CNTN3: variants seen among roughly 807,000 people sequenced by gnomAD.
The protein encoded by CNTN3 is contactin-3.
CNTN3 carries 60 observed loss-of-function variants against 119.1 expected under a neutral mutation model. The ratio of observed to expected loss-of-function variants is 0.50; its 90% CI spans 0.41 to 0.62. The LOEUF (loss-of-function observed/expected upper bound fraction) is 0.62, where lower values mean the gene tolerates loss of function less well. CNTN3 is among the 20% of genes least tolerant of loss of function. The pLI is 0.00. For missense variants in CNTN3, 1,101 were observed against 1,242.4 expected (o/e 0.89, Z 1.71); for synonymous variants, 450 against 438.7 (o/e 1.03, Z -0.32).
At chr3:74,553,967 G>T (rs2107164650) in intron 1 of CNTN3, among the ~76,000 whole-genome samples, 1 of 152,246 alleles carries the variant, frequency 6.6e-6, no homozygotes, top group Admixed American at 6.5e-5. Flanking sequence ...ATTGCTTTTG[G>T]TGTTTTAGAT....
chr3:74,429,931 G>A (rs1701755602), intron 4 of CNTN3, among the ~76,000 whole-genome samples: 1 of 152,116 alleles, frequency 6.6e-6, no homozygotes, highest in African/African-American at 2.4e-5. Flanking sequence ...ACTACAATGA[G>A]CTGTCACTCC....
chr3:74,556,468 T>C (rs1252752058), intron 1 of CNTN3, among the ~76,000 whole-genome samples: 1 of 152,200 alleles, frequency 6.6e-6, no homozygotes, highest in Non-Finnish European at 1.5e-5. Flanking sequence ...CATGAAATGT[T>C]AGTAAATTTT....
intron 13 of CNTN3, among the ~76,000 whole-genome samples, chr3:74,325,686 G>T (rs1220225372): frequency 6.6e-5 from 10 of 152,038 alleles, no homozygotes; most frequent in Admixed American, 1.3e-4. Context: ...TGTTGTCCTT[G>T]GCACTTTACA....
intron 20 of CNTN3, among the ~76,000 whole-genome samples, chr3:74,267,836 T>C (rs1056153304): frequency 2.6e-5 from 4 of 152,110 alleles, no homozygotes; most frequent in Admixed American, 6.6e-5. Flanking sequence ...GCGGGACTTA[T>C]TTTGACGCAT....
intron 1 of CNTN3, among the ~76,000 whole-genome samples, chr3:74,553,375 G>A (rs1018349561): frequency 2.0e-5 from 3 of 152,238 alleles, no homozygotes; most frequent in Middle Eastern, 3.4e-3. Context: ...TTGCTATTGC[G>A]AATAGTGCTG....
intron 4 of CNTN3, among the ~76,000 whole-genome samples, chr3:74,442,563 A>G (rs1255795575): frequency 5.9e-5 from 9 of 152,086 alleles, no homozygotes; most frequent in African/African-American, 2.2e-4. Flanking sequence ...TTTCTCTTAC[A>G]TGTATTTCTA....
At chr3:74,411,670 A>G (rs1319831076) in intron 5 of CNTN3, among the ~76,000 whole-genome samples, 1 of 152,218 alleles carries the variant, frequency 6.6e-6, no homozygotes, top group East Asian at 1.9e-4. Flanking sequence ...ATGTCTAAGC[A>G]TAACATATGC....
intron 4 of CNTN3, among the ~76,000 whole-genome samples, chr3:74,454,080 C>G (rs1245845625): frequency 7.8e-6 from 1 of 128,284 alleles, no homozygotes; most frequent in African/African-American, 3.0e-5. Flanking sequence ...GACTTTCTGT[C>G]TCGTTGATCT....
chr3:74,503,677 A>C (rs1001507649), intron 2 of CNTN3, among the ~76,000 whole-genome samples: 12 of 152,190 alleles, frequency 7.9e-5, no homozygotes, highest in Admixed American at 4.6e-4. Context: ...ATTCATAACC[A>C]GTAAAAAGCA....
chr3:74,420,408 C>G (rs1286381432), intron 5 of CNTN3, among the ~76,000 whole-genome samples: 2 of 152,188 alleles, frequency 1.3e-5, no homozygotes, highest in African/African-American at 4.8e-5. Context: ...CCACATCTAT[C>G]TTCCCAATCT....
intron 4 of CNTN3, among the ~76,000 whole-genome samples, chr3:74,463,813 G>A (rs1486507839): frequency 2.0e-5 from 3 of 152,060 alleles, no homozygotes; most frequent in Non-Finnish European, 4.4e-5. Context: ...AAAGTCTTCC[G>A]TGTTGTCCAC....
At chr3:74,575,706 A>C in intron 1 of CNTN3, among the ~76,000 whole-genome samples, 1 of 151,398 alleles carries the variant, frequency 6.6e-6, no homozygotes, top group Non-Finnish European at 1.5e-5. Flanking sequence ...ATTTGGGGGA[A>C]GACATCAACT....
intron 13 of CNTN3, among the ~76,000 whole-genome samples, chr3:74,323,510 T>C (rs1400121080): frequency 6.6e-6 from 1 of 152,162 alleles, no homozygotes; most frequent in East Asian, 1.9e-4. Context: ...AAAGATACTC[T>C]AAAACTAACT....
rs186919354 is a variant in CNTN3 at position 74,298,984 on chromosome 3, A to G, written c.2167-793T>C. 3.8e-3 allele frequency among the ~76,000 whole-genome samples: 584 copies of G among 152,182 alleles called. 2 individuals are homozygous for G. In the Middle Eastern group the frequency reaches 0.054, roughly 14 times the overall value. On this transcript the variant is annotated intron_variant, in intron 17 of 22. Transcript: ENST00000263665. ...CACTTTGGGAGGCCAAGGCACCTCG[A>G]TCATTTGAGGTTAGGAGTTTGAGAG...
chr3:74,603,969 G>A (rs890159193), intron 1 of CNTN3, among the ~76,000 whole-genome samples: 1 of 151,994 alleles, frequency 6.6e-6, no homozygotes, highest in African/African-American at 2.4e-5. Flanking sequence ...AAAACAGAAC[G>A]CATATCCCAT....
Position 74,424,862 on chromosome 3 carries a change from G to A in CNTN3, c.437C>T (p.Pro146Leu), listed in dbSNP as rs752132783. The A allele has an allele frequency of 1.2e-6, 2 of 1,613,538 alleles. No individual in the cohort carries two copies. Among genetic ancestry groups the A allele is most frequent in the South Asian group, 1.1e-5 (1 of 91,048 alleles). Residue 146 changes from proline (P) to leucine (L), a missense_variant, in exon 5 of 23, where the codon CCC (proline) becomes CTC (leucine). By Grantham distance (98) the Pro-to-Leu change is moderately conservative. Coordinates refer to ENST00000263665, the MANE Select transcript of CNTN3 (RefSeq NM_020872.3). ...TGACTTACCTCCAGAGTGTGGTGGG[G>A]GGCCGCAGAGCAGCACAACTCCCTG... ...EGQGVVLLCG[P>L]PPHSGELSYA...
intron 11 of CNTN3, among the ~76,000 whole-genome samples, chr3:74,360,754 C>T (rs909842413): frequency 1.3e-5 from 2 of 151,946 alleles, no homozygotes; most frequent in African/African-American, 4.8e-5. Flanking sequence ...ACTGCTGGCC[C>T]CTTCCCTCAT....
At chr3:74,309,561 T>C (rs992470413) in intron 13 of CNTN3, among the ~76,000 whole-genome samples, 12 of 152,096 alleles carry the variant, frequency 7.9e-5, no homozygotes, top group African/African-American at 2.7e-4. Flanking sequence ...TTTAAGAAAA[T>C]ACCAGAAACA....
intron 5 of CNTN3, among the ~76,000 whole-genome samples, chr3:74,414,746 GCAGCA>G (rs1473245843): frequency 6.6e-6 from 1 of 152,142 alleles, no homozygotes; most frequent in Non-Finnish European, 1.5e-5. Context: ...CTTTGTAACA[GCAGCA>G]TGTGTAATAT....
Sources: allele counts gnomAD v4.1 joint callset (sites outside exome capture counted in the v4.1 genomes callset), GRCh38; gene constraint gnomAD v4.1.1; transcripts MANE v1.5; gene names NCBI Gene and HGNC (gene_info 2026-07-23, HGNC 2026-07-21).